The following LYST variants were observed in gnomAD, a reference collection of about 807,000 sequenced individuals.
The protein encoded by LYST is lysosomal trafficking regulator, also known as lysosomal-trafficking regulator.
LYST carries 192 observed loss-of-function variants against 413.6 expected under a neutral mutation model. The ratio of observed to expected loss-of-function variants is 0.46; its 90% CI spans 0.41 to 0.52. The LOEUF is 0.52. Among genes scored for constraint, LYST ranks in the 20% least tolerant of loss-of-function variants. The pLI, the probability that LYST is intolerant of heterozygous loss-of-function variation, is 0.00. For synonymous variants in LYST, 1,525 were observed against 1,567.3 expected (o/e 0.97, Z 0.64); for missense variants, 3,815 against 4,499.9 (o/e 0.85, Z 4.35).
intron 1 of LYST, among the ~76,000 whole-genome samples, chr1:235,875,874 G>A (rs17714318): frequency 0.066 from 10,115 of 152,126 alleles, 463 homozygotes; most frequent in Admixed American, 0.12. Flanking sequence ...TGCATTGAAT[G>A]TACTAAAGGC....
chr1:235,850,858 C>A lies in LYST; in HGVS notation c.-98+15985G>T, dbSNP rs573599520. Among the ~76,000 whole-genome samples the A allele has an allele frequency of 1.2e-4, 18 of 152,026 alleles. No homozygotes were observed. The East Asian group carries it at 3.3e-3, about 28-fold the overall frequency. On this transcript the variant is annotated intron_variant, in intron 1 of 52. Coordinates refer to ENST00000389793, the MANE Select transcript of LYST (RefSeq NM_000081.4). ...TCACTCCTGCAAGAATGGCCATAATCAAAAAATCAAAAAACAGTAGATGTT... is the reference window on the plus strand; with the variant it reads ...TCACTCCTGCAAGAATGGCCATAATAAAAAAATCAAAAAACAGTAGATGTT...
At position 235,662,693 on chromosome 1, in the gene LYST, C is replaced by T. The variant is rs189700601; in HGVS notation, c.*247G>A. 4.5e-5 allele frequency: 24 copies of T among 531,648 alleles called. No individual in the cohort carries two copies. The East Asian group carries it at 4.8e-4, about 11-fold the overall frequency. The allele number at this position is 531,648 out of a possible 1,614,324, so 32.9% of individuals were successfully genotyped here. On this transcript the variant is annotated 3_prime_UTR_variant, in exon 53 of 53. Transcript: ENST00000389793. ...AAGAATATCATTTTAATGTACCATGCGAGGCTTAAAACTTGTTGGCTAGTG... is the reference window on the plus strand; with the variant it reads ...AAGAATATCATTTTAATGTACCATGTGAGGCTTAAAACTTGTTGGCTAGTG...
At chr1:235,753,878 T>C (rs1023241853) in intron 25 of LYST, among the ~76,000 whole-genome samples, 2 of 152,162 alleles carry the variant, frequency 1.3e-5, no homozygotes, top group Non-Finnish European at 2.9e-5. Context: ...AAAAGTAGCA[T>C]TGAAACTACC....
At position 235,755,966 on chromosome 1, in the gene LYST, G is replaced by A. The variant is rs147708222; in HGVS notation, c.7060-319C>T. Among the ~76,000 whole-genome samples the A allele has an allele frequency of 5.4e-3, 816 of 151,598 alleles. 5 individuals are homozygous for A. The highest frequency in any genetic ancestry group is 8.1e-3 in the Admixed American group (123 of 15,216). ...GAATATTTGTACCTAATGCTGAGAG[G>A]GAAAAAATCCGTAAACTATGCTCTC... On this transcript the variant is annotated intron_variant, in intron 24 of 52. Transcript: ENST00000389793.
chr1:235,802,225 C>T (rs185108060), intron 8 of LYST, among the ~76,000 whole-genome samples: 4 of 140,198 alleles, frequency 2.9e-5, no homozygotes, highest in Admixed American at 7.1e-5. Context: ...AAAAAACTAG[C>T]AGTACTGGGA....
chr1:235,880,071 T>C (rs1019840536), intron 1 of LYST, among the ~76,000 whole-genome samples: 1 of 152,210 alleles, frequency 6.6e-6, no homozygotes, highest in African/African-American at 2.4e-5. Flanking sequence ...AAGAGTGAAC[T>C]CTTGTCTCGT....
chr1:235,677,320 AC>A, intron 49 of LYST, 132 bp from the exon 50 acceptor site: 1 of 1,055,020 alleles, frequency 9.5e-7, no homozygotes, highest in Non-Finnish European at 1.5e-6. Context: ...TGATTGTATG[AC>A]TTCAATAAAA....
At chr1:235,707,822 C>G (rs1662105768) in intron 44 of LYST, among the ~76,000 whole-genome samples, 1 of 152,020 alleles carries the variant, frequency 6.6e-6, no homozygotes, top group Non-Finnish European at 1.5e-5. Flanking sequence ...GGTTGAGTAT[C>G]CCTTATACAA....
chr1:235,820,002 T>C (rs1674576639), intron 3 of LYST, among the ~76,000 whole-genome samples: 1 of 152,246 alleles, frequency 6.6e-6, no homozygotes, highest in Non-Finnish European at 1.5e-5. Flanking sequence ...GTTACACCTT[T>C]ATAAAATTCC....
chr1:235,746,657 A>G, intron 28 of LYST, 130 bp from the exon 29 acceptor site: 1 of 711,396 alleles, frequency 1.4e-6, no homozygotes, highest in Admixed American at 2.1e-5. Flanking sequence ...AATTTATAGA[A>G]AGGAAAGAGT....
chr1:235,882,828 T>G (rs914760760), intron 1 of LYST, among the ~76,000 whole-genome samples: 1 of 152,172 alleles, frequency 6.6e-6, no homozygotes, highest in Non-Finnish European at 1.5e-5. Flanking sequence ...TGCACACATG[T>G]ATTGAGTGAG....
rs201016953 is a variant in LYST at position 235,850,016 on chromosome 1, GA to G, written c.-97-16350del. The stretch of plus-strand genomic sequence containing the variant: ...ACCACTATCATTCTTCACAGAATTA[GA>G]AAAAAAAATCTAAAATTCATATGGA... On this transcript the variant is annotated intron_variant, in intron 1 of 52. Transcript: ENST00000389793. 9.6e-3 allele frequency among the ~76,000 whole-genome samples: 1,443 copies of G among 151,016 alleles called. 24 individuals carry two copies. The highest frequency in any genetic ancestry group is 0.033 in the African/African-American group (1,349 of 41,194).
At position 235,805,735 on chromosome 1, in the gene LYST, G is replaced by T. The variant is rs1470969639; in HGVS notation, c.3393+8C>A. 3 of 1,602,090 alleles carry T rather than the reference G, an allele frequency of 1.9e-6. No individual in the cohort carries two copies. Among genetic ancestry groups the T allele is most frequent in the South Asian group, 1.1e-5 (1 of 90,810 alleles). ...TACATAAGAGTTGGACTAAGGACAA[G>T]GTATTACCTGATTAGGTAACTCCAA... is the stretch of plus-strand genomic sequence containing the variant. On this transcript the variant is annotated splice_region_variant and intron_variant, in intron 6 of 52. Transcript: ENST00000389793.
intron 45 of LYST, among the ~76,000 whole-genome samples, chr1:235,699,430 C>T (rs888200196): frequency 1.3e-4 from 20 of 152,236 alleles, no homozygotes; most frequent in East Asian, 5.8e-4. Context: ...TTATTTTTTA[C>T]GGCTGCATAG....
chr1:235,725,914 T>C (rs1042693357), intron 38 of LYST, among the ~76,000 whole-genome samples: 5 of 152,124 alleles, frequency 3.3e-5, no homozygotes, highest in Non-Finnish European at 7.4e-5. Flanking sequence ...CTACACATCC[T>C]ACCATCACTA....
chr1:235,878,334 G>A (rs566524059), intron 1 of LYST, among the ~76,000 whole-genome samples: 1 of 152,246 alleles, frequency 6.6e-6, no homozygotes, highest in Admixed American at 6.5e-5. Flanking sequence ...TGGACTCTGT[G>A]ACCAGTGTGC....
At chr1:235,701,743 G>A (rs1661572550) in intron 45 of LYST, among the ~76,000 whole-genome samples, 2 of 152,214 alleles carry the variant, frequency 1.3e-5, no homozygotes, top group South Asian at 4.1e-4. Context: ...AAAAAATATA[G>A]TTTTCTATTA....
chr1:235,809,484 A>G lies in LYST; in HGVS notation c.1334T>C (p.Phe445Ser), dbSNP rs1291607643. The change falls in exon 5 of 53, where the codon TTT becomes TCT. Residue 445 changes from phenylalanine to serine, a missense_variant. Phe to Ser is a radical substitution (Grantham distance 155, BLOSUM62 -2). Around this residue, in one of 4 missense-constraint regions of LYST, gnomAD observed 1,648 missense variants for 1,810.3 expected, o/e 0.91. Transcript: ENST00000389793. The surrounding 1 kb of genome is among the most constrained non-coding windows in gnomAD (Gnocchi z 4.0). ...TTCCATTTGAAGAACTGCTGTTTCA[A>G]ATAAATTAAATCCATGATGCTGAAT... is the stretch of plus-strand genomic sequence containing the variant. The part of the protein sequence containing the change: ...EFIQHHGFNL[F>S]ETAVLQMEWL... The G allele has an allele frequency of 6.2e-6, 10 of 1,613,962 alleles. No homozygotes were observed. The highest frequency in any genetic ancestry group is 2.7e-5 in the African/African-American group (2 of 74,904).
intron 22 of LYST, among the ~76,000 whole-genome samples, chr1:235,760,171 A>C (rs1667446714): frequency 6.6e-6 from 1 of 151,254 alleles, no homozygotes; most frequent in Non-Finnish European, 1.5e-5. Flanking sequence ...ATTGGATTCA[A>C]ATGATAGTGA....
Sources: allele counts gnomAD v4.1 joint callset (sites outside exome capture counted in the v4.1 genomes callset), GRCh38; gene constraint gnomAD v4.1.1; regional missense constraint gnomAD v4.1.1; non-coding constraint Gnocchi (gnomAD v3.1); transcripts MANE v1.5; gene names NCBI Gene and HGNC (gene_info 2026-07-23, HGNC 2026-07-21).